The following CSRNP3 variants were observed in gnomAD, a reference collection of about 807,000 sequenced individuals.
CSRNP3 encodes the protein cysteine/serine-rich nuclear protein 3.
A neutral mutation model predicts 48.0 loss-of-function variants in CSRNP3; 12 were observed. The ratio of observed to expected loss-of-function variants is 0.25; its 90% CI spans 0.16 to 0.41. The LOEUF (loss-of-function observed/expected upper bound fraction) is 0.41, where lower values mean the gene tolerates loss of function less well. CSRNP3 is among the 10% of genes least tolerant of loss of function. CSRNP3 has a pLI of 1.00. For synonymous variants in CSRNP3, 263 were observed against 269.7 expected, an observed-to-expected ratio of 0.98 and a Z score of 0.24; for missense variants, 580 against 724.4, an observed-to-expected ratio of 0.80 and a Z score of 2.29.
intron 1 of CSRNP3, among the ~76,000 whole-genome samples, chr2:165,490,211 G>C (rs1684183960): frequency 6.6e-6 from 1 of 150,562 alleles, no homozygotes; most frequent in Non-Finnish European, 1.5e-5. Context: ...GCTTCAAAGA[G>C]AATAAAAAAC....
chr2:165,490,466 AC>A (rs1245376381), intron 1 of CSRNP3, among the ~76,000 whole-genome samples: 1 of 127,886 alleles, frequency 7.8e-6, no homozygotes, highest in Non-Finnish European at 1.6e-5. Flanking sequence ...TTCATATGGA[AC>A]CAAAAAAGAG....
intron 3 of CSRNP3, among the ~76,000 whole-genome samples, chr2:165,542,532 A>G (rs1684972198): frequency 1.3e-5 from 2 of 152,136 alleles, no homozygotes; most frequent in Admixed American, 1.3e-4. Flanking sequence ...CCTTCACTAT[A>G]TCATGAAAAT....
At chr2:165,540,255 A>G (rs552254306) in intron 3 of CSRNP3, among the ~76,000 whole-genome samples, 1 of 152,024 alleles carries the variant, frequency 6.6e-6, no homozygotes, top group South Asian at 2.1e-4. Flanking sequence ...CCCTGTCTTT[A>G]TTGTTAAATT....
At chr2:165,552,768 C>T (rs969343234) in intron 3 of CSRNP3, among the ~76,000 whole-genome samples, 4 of 151,722 alleles carry the variant, frequency 2.6e-5, no homozygotes, top group African/African-American at 9.7e-5. Flanking sequence ...AATCTTGGCT[C>T]ACTGCAACCT....
At chr2:165,584,813 T>C (rs1685601389) in intron 3 of CSRNP3, among the ~76,000 whole-genome samples, 1 of 152,202 alleles carries the variant, frequency 6.6e-6, no homozygotes, top group Non-Finnish European at 1.5e-5. Context: ...ATCTTTTGGC[T>C]TCCATGGGCC....
intron 4 of CSRNP3, among the ~76,000 whole-genome samples, chr2:165,607,812 A>T (rs1686057193): frequency 6.6e-6 from 1 of 152,058 alleles, no homozygotes; most frequent in African/African-American, 2.4e-5. Context: ...AGGAGCCAGA[A>T]TATTCTCACT....
At chr2:165,661,819 A>C (rs1687102199) in intron 5 of CSRNP3, among the ~76,000 whole-genome samples, 1 of 152,164 alleles carries the variant, frequency 6.6e-6, no homozygotes, top group African/African-American at 2.4e-5. Context: ...AGCATCTGAC[A>C]AGAGAGACAG....
intron 3 of CSRNP3, among the ~76,000 whole-genome samples, chr2:165,525,543 G>T (rs1487167843): frequency 6.7e-6 from 1 of 148,872 alleles, no homozygotes; most frequent in Non-Finnish European, 1.5e-5. Flanking sequence ...CTGGAGTGCA[G>T]TGGTGCGATC....
intron 1 of CSRNP3, among the ~76,000 whole-genome samples, chr2:165,486,584 G>A (rs1276167914): frequency 1.7e-3 from 158 of 92,864 alleles, no homozygotes; most frequent in Non-Finnish European, 2.8e-3. Context: ...CTCCCAGCAC[G>A]CAGCTGGAGA....
chr2:165,654,979 A>G (rs1686978435), intron 4 of CSRNP3, among the ~76,000 whole-genome samples: 1 of 152,230 alleles, frequency 6.6e-6, no homozygotes, highest in Non-Finnish European at 1.5e-5. Context: ...TGGCTAGCAC[A>G]TAGTAGGCTC....
chr2:165,587,554 CAG>C (rs1156837057), intron 3 of CSRNP3, among the ~76,000 whole-genome samples: 1 of 152,206 alleles, frequency 6.6e-6, no homozygotes, highest in Non-Finnish European at 1.5e-5. Flanking sequence ...AACTGTGACA[CAG>C]AGAGAAGTTG....
chr2:165,522,870 A>G (rs1206549752), intron 3 of CSRNP3, among the ~76,000 whole-genome samples: 5 of 152,054 alleles, frequency 3.3e-5, no homozygotes, highest in Admixed American at 3.3e-4. Context: ...TTGTACTCAC[A>G]TTCATGAGTG....
rs1687599131 is a variant in CSRNP3 at position 165,684,567 on chromosome 2, T to C, written c.*4814T>C. On this transcript the variant is annotated 3_prime_UTR_variant, in exon 7 of 7. Coordinates refer to ENST00000651982, the MANE Select transcript of CSRNP3 (RefSeq NM_001172173.2). ...ACCCAAAGTTTAAAGGCTTGATTAC[T>C]CTATATTAGGTCTAATATGAATTTT... The C allele has an allele frequency of 6.6e-6, 1 of 152,078 alleles. No individual in the cohort carries two copies. The highest frequency in any genetic ancestry group is 2.4e-5 in the African/African-American group (1 of 41,440). 9.4% of individuals were successfully genotyped at this position (152,078 alleles called of 1,614,324 possible).
chr2:165,642,561 TC>T (rs1448231838), intron 4 of CSRNP3, among the ~76,000 whole-genome samples: 2 of 148,188 alleles, frequency 1.3e-5, no homozygotes, highest in African/African-American at 5.3e-5. Flanking sequence ...TTATGCATAT[TC>T]TTTTTTTTTT....
intron 3 of CSRNP3, among the ~76,000 whole-genome samples, chr2:165,555,949 C>T (rs1212118120): frequency 6.6e-6 from 1 of 152,054 alleles, no homozygotes; most frequent in Non-Finnish European, 1.5e-5. Flanking sequence ...TGGTGCCATG[C>T]CCAGTATCTT....
intron 1 of CSRNP3, among the ~76,000 whole-genome samples, chr2:165,474,043 C>T (rs1201643118): frequency 2.0e-5 from 3 of 152,012 alleles, no homozygotes; most frequent in Admixed American, 2.0e-4. Flanking sequence ...AGCTCTTATA[C>T]TTTACTTAGA....
chr2:165,663,997 G>A (rs923132903), intron 5 of CSRNP3, among the ~76,000 whole-genome samples: 9 of 152,094 alleles, frequency 5.9e-5, no homozygotes, highest in African/African-American at 1.9e-4. Flanking sequence ...CTTATATGTC[G>A]ATACTATCAT....
Position 165,499,666 on chromosome 2 carries a change from C to G in CSRNP3, c.-113+4738C>G, listed in dbSNP as rs113901667. ...CAAAAATACTGAATTCCATTGAGAA[C>G]TGGACTAAGGTTAAAAGCATAGTTT... On this transcript the variant is annotated intron_variant, in intron 2 of 6. Transcript: ENST00000651982. Among the ~76,000 whole-genome samples, 5 of 152,070 alleles carry G rather than the reference C, an allele frequency of 3.3e-5. 1 individual carries two copies. The highest frequency in any genetic ancestry group is 1.2e-4 in the African/African-American group (5 of 41,484).
At chr2:165,520,998 A>T (rs965565214) in intron 3 of CSRNP3, among the ~76,000 whole-genome samples, 27 of 150,620 alleles carry the variant, frequency 1.8e-4, no homozygotes, top group African/African-American at 6.6e-4. Context: ...TAATTTTTTT[A>T]AAAAATTTTT....
Sources: gnomAD v4.1 joint callset for allele counts (sites outside exome capture counted in the v4.1 genomes callset) on GRCh38, gnomAD v4.1.1 for gene constraint, MANE v1.5 for transcripts, NCBI Gene and HGNC (gene_info 2026-07-23, HGNC 2026-07-21) for gene names.